Variants in CDH12 observed in about 807,000 individuals in gnomAD.
CDH12 encodes cadherin-12.
A neutral mutation model predicts 74.1 loss-of-function variants in CDH12; 41 were observed. The ratio of observed to expected loss-of-function variants is 0.55; its 90% CI spans 0.43 to 0.72. The LOEUF (loss-of-function observed/expected upper bound fraction) is 0.72, where lower values mean the gene tolerates loss of function less well. CDH12 is among the 30% of genes least tolerant of loss of function. The pLI is 0.00. For synonymous variants in CDH12, 399 were observed against 355.0 expected (o/e 1.12, Z -1.39); for missense variants, 945 against 977.2 (o/e 0.97, Z 0.44).
intron 1 of CDH12, among the ~76,000 whole-genome samples, chr5:22,691,623 CT>C (rs1222770791): frequency 6.6e-6 from 1 of 152,138 alleles, no homozygotes; most frequent in Admixed American, 6.5e-5. Flanking sequence ...GGCTTTAAAC[CT>C]TTTCAAACAA....
At chr5:21,810,459 G>A (rs182317428) in intron 9 of CDH12, among the ~76,000 whole-genome samples, 4 of 152,182 alleles carry the variant, frequency 2.6e-5, no homozygotes, top group East Asian at 1.9e-4. Flanking sequence ...TGGAAGCGGT[G>A]TTAGAAAAAT....
chr5:22,659,740 A>G (rs150339285), intron 1 of CDH12, among the ~76,000 whole-genome samples: 41 of 152,196 alleles, frequency 2.7e-4, no homozygotes, highest in African/African-American at 9.6e-4. Context: ...TGATCCCTGT[A>G]TATATACACA....
At chr5:22,044,566 C>T (rs561086939) in intron 5 of CDH12, among the ~76,000 whole-genome samples, 328 of 152,274 alleles carry the variant, frequency 2.2e-3, no homozygotes, top group Non-Finnish European at 3.5e-3. Flanking sequence ...CATCCCTCAA[C>T]ATGTGGGGAT....
chr5:21,794,671 T>C (rs745690548), intron 10 of CDH12, among the ~76,000 whole-genome samples: 1 of 151,806 alleles, frequency 6.6e-6, no homozygotes, highest in African/African-American at 2.4e-5. Context: ...TTGTTTCCTG[T>C]ATACAGTCAA....
At chr5:22,307,531 C>T (rs963241277) in intron 3 of CDH12, among the ~76,000 whole-genome samples, 1 of 152,104 alleles carries the variant, frequency 6.6e-6, no homozygotes, top group Non-Finnish European at 1.5e-5. Context: ...TCATGCCTGA[C>T]AAATCCTAGG....
At chr5:22,610,215 A>G (rs1293516740) in intron 1 of CDH12, among the ~76,000 whole-genome samples, 2 of 152,208 alleles carry the variant, frequency 1.3e-5, no homozygotes, top group East Asian at 3.8e-4. Context: ...AAAGTATGCA[A>G]AAAGCTACAA....
chr5:22,196,119 A>G (rs1023261582), intron 4 of CDH12, among the ~76,000 whole-genome samples: 1 of 150,286 alleles, frequency 6.7e-6, no homozygotes, highest in African/African-American at 2.4e-5. Context: ...ATATGTGTGT[A>G]TATCTCTGTC....
At chr5:22,405,083 G>A (rs1046579043) in intron 3 of CDH12, among the ~76,000 whole-genome samples, 174 bp downstream of exon 3, 4 of 151,972 alleles carry the variant, frequency 2.6e-5, no homozygotes, top group Admixed American at 6.6e-5. Context: ...GGTGGTGGGC[G>A]CCTGTAATCC....
At chr5:21,978,881 C>T (rs553550430) in intron 5 of CDH12, among the ~76,000 whole-genome samples, 4 of 152,124 alleles carry the variant, frequency 2.6e-5, no homozygotes, top group East Asian at 3.9e-4. Flanking sequence ...TTAGTGATTC[C>T]GGAAATTGAT....
chr5:22,453,650 C>G (rs1261455395), intron 2 of CDH12, among the ~76,000 whole-genome samples: 2 of 152,010 alleles, frequency 1.3e-5, no homozygotes, highest in African/African-American at 4.8e-5. Context: ...AGGAATAGAT[C>G]CTGGTGTTCT....
chr5:21,938,634 T>C (rs1185995805), intron 6 of CDH12, among the ~76,000 whole-genome samples: 3 of 149,114 alleles, frequency 2.0e-5, no homozygotes, highest in Non-Finnish European at 4.4e-5. Flanking sequence ...CTGCTTCTTT[T>C]ATCTGTCATT....
intron 3 of CDH12, among the ~76,000 whole-genome samples, chr5:22,385,892 T>TC (rs1319829019): frequency 9.4e-5 from 14 of 148,534 alleles, no homozygotes; most frequent in African/African-American, 3.5e-4. Context: ...CGCTTTTTTT[T>TC]TTTTTTTTTT....
chr5:21,949,634 C>A (rs1293927176), intron 6 of CDH12, among the ~76,000 whole-genome samples: 2 of 151,740 alleles, frequency 1.3e-5, no homozygotes, highest in Admixed American at 6.6e-5. Context: ...TCATACTGAC[C>A]CTGTGTAGGA....
intron 3 of CDH12, among the ~76,000 whole-genome samples, chr5:22,280,659 C>G (rs1047818135): frequency 1.3e-5 from 2 of 152,114 alleles, no homozygotes; most frequent in African/African-American, 2.4e-5. Context: ...TACACCCTCC[C>G]AAGACTAAAC....
intron 2 of CDH12, among the ~76,000 whole-genome samples, chr5:22,478,039 C>T (rs1308969345): frequency 6.6e-6 from 1 of 152,048 alleles, no homozygotes; most frequent in Non-Finnish European, 1.5e-5. Context: ...ATTATATATT[C>T]CCTGAGAAAG....
intron 1 of CDH12, among the ~76,000 whole-genome samples, chr5:22,632,837 G>A (rs1738655718): frequency 1.3e-5 from 2 of 148,976 alleles, no homozygotes; most frequent in African/African-American, 4.9e-5. Flanking sequence ...TTCAAAATAG[G>A]ATAAACTCAA....
chr5:22,653,238 A>ATGTGGTT (rs1739832975), intron 1 of CDH12, among the ~76,000 whole-genome samples: 1 of 152,114 alleles, frequency 6.6e-6, no homozygotes, highest in Admixed American at 6.6e-5. Context: ...ATGACTTTAA[A>ATGTGGTT]CAACTCCTAA....
chr5:22,697,571 C>CA (rs397997008), intron 1 of CDH12, among the ~76,000 whole-genome samples: 60,074 of 102,076 alleles, frequency 0.59, 16,442 homozygotes, highest in Non-Finnish European at 0.6. Context: ...GACTCTGTCT[C>CA]AAAAAAAAAA....
chr5:22,113,132 T>C (rs1028997754), intron 4 of CDH12, among the ~76,000 whole-genome samples: 1 of 152,142 alleles, frequency 6.6e-6, no homozygotes, highest in African/African-American at 2.4e-5. Flanking sequence ...TATATCTGAC[T>C]TACTTTACAA....
Sources: gnomAD v4.1 joint callset for allele counts (sites outside exome capture counted in the v4.1 genomes callset) on GRCh38, gnomAD v4.1.1 for gene constraint, MANE v1.5 for transcripts, NCBI Gene and HGNC (gene_info 2026-07-23, HGNC 2026-07-21) for gene names.